The following ITPR2 variants were observed in gnomAD, a reference collection of about 807,000 sequenced individuals.
ITPR2 encodes the protein inositol 1,4,5-trisphosphate-gated calcium channel ITPR2.
In ITPR2, 207 loss-of-function variants were observed where a neutral mutation model predicts 317.1. The ratio of observed to expected loss-of-function variants is 0.65; its 90% CI spans 0.58 to 0.73. The LOEUF (loss-of-function observed/expected upper bound fraction) is 0.73. Ranked by LOEUF, ITPR2 falls within the 30% of genes least tolerant of loss-of-function variation. The pLI is 0.00. For synonymous variants in ITPR2, 1,156 were observed against 1,149.1 expected, an observed-to-expected ratio of 1.01 and a Z score of -0.12; for missense variants, 2,613 against 3,284.0, an observed-to-expected ratio of 0.80 and a Z score of 4.99.
chr12:26,755,799 C>T (rs1448202001), intron 2 of ITPR2, among the ~76,000 whole-genome samples: 1 of 152,136 alleles, frequency 6.6e-6, no homozygotes, highest in Non-Finnish European at 1.5e-5. Flanking sequence ...CAATAAAAGC[C>T]GCTTGAGGAA....
chr12:26,465,616 CCT>C (rs113967186), intron 45 of ITPR2, among the ~76,000 whole-genome samples: 5 of 150,206 alleles, frequency 3.3e-5, no homozygotes, highest in Non-Finnish European at 7.4e-5. Flanking sequence ...CCTCTGGCGC[CCT>C]CTCTCTCTCT....
chr12:26,580,006 C>T (rs1002389015), intron 33 of ITPR2, 21 bp downstream of exon 33: 2 of 1,600,408 alleles, frequency 1.2e-6, no homozygotes, highest in Non-Finnish European at 1.7e-6. Flanking sequence ...CAACAGAATG[C>T]TTTGCAATTG....
chr12:26,763,246 T>G (rs1949667256), intron 2 of ITPR2, among the ~76,000 whole-genome samples: 2 of 147,944 alleles, frequency 1.4e-5, no homozygotes, highest in African/African-American at 2.7e-5. Context: ...ATATATACAT[T>G]TTTTCTTTGC....
chr12:26,608,485 C>A (rs1402061821), intron 26 of ITPR2, among the ~76,000 whole-genome samples: 1 of 131,100 alleles, frequency 7.6e-6, no homozygotes, highest in Non-Finnish European at 1.8e-5. Context: ...TCTGCCTGGC[C>A]GCCCCACAGT....
At chr12:26,566,522 G>A (rs1425909566) in intron 34 of ITPR2, among the ~76,000 whole-genome samples, 1 of 146,592 alleles carries the variant, frequency 6.8e-6, no homozygotes, top group Non-Finnish European at 1.5e-5. Context: ...AGGAAGAGGA[G>A]GAGGAGAGGA....
At chr12:26,588,526 A>T (rs1255174681) in intron 32 of ITPR2, among the ~76,000 whole-genome samples, 1 of 152,174 alleles carries the variant, frequency 6.6e-6, no homozygotes, top group Non-Finnish European at 1.5e-5. Context: ...CAAGAAAATT[A>T]TTTTTTTAAA....
At chr12:26,404,460 C>T (rs1353073778) in intron 52 of ITPR2, among the ~76,000 whole-genome samples, 2 of 151,900 alleles carry the variant, frequency 1.3e-5, no homozygotes, top group African/African-American at 4.8e-5. Context: ...TTAAGGAAGA[C>T]AATAATTTTA....
intron 21 of ITPR2, among the ~76,000 whole-genome samples, chr12:26,645,975 T>C (rs1947104344): frequency 6.8e-6 from 1 of 146,982 alleles, no homozygotes; most frequent in Non-Finnish European, 1.5e-5. Flanking sequence ...CTTTCCTTTT[T>C]TTTTTTTTTT....
intron 52 of ITPR2, among the ~76,000 whole-genome samples, chr12:26,405,300 T>C (rs963486855): frequency 3.9e-5 from 6 of 152,210 alleles, no homozygotes; most frequent in Admixed American, 2.0e-4. Flanking sequence ...GCTTGGCGTA[T>C]AGTTAGGACT....
chr12:26,604,290 G>A (rs1946070941), intron 26 of ITPR2, among the ~76,000 whole-genome samples: 1 of 152,140 alleles, frequency 6.6e-6, no homozygotes, highest in South Asian at 2.1e-4. Flanking sequence ...GAGGCTCCCA[G>A]TCTCAACTTC....
intron 21 of ITPR2, among the ~76,000 whole-genome samples, chr12:26,639,535 A>G (rs941247267): frequency 6.6e-6 from 1 of 151,562 alleles, no homozygotes; most frequent in African/African-American, 2.4e-5. Context: ...TTAGTTACAT[A>G]TGTATACATG....
intron 26 of ITPR2, among the ~76,000 whole-genome samples, chr12:26,611,562 T>TA (rs1188634325): frequency 1.3e-5 from 2 of 151,452 alleles, no homozygotes; most frequent in Non-Finnish European, 1.5e-5. Flanking sequence ...GACCCATCTC[T>TA]AAAAAAAAGT....
chr12:26,642,374 C>A (rs897923471), intron 21 of ITPR2, among the ~76,000 whole-genome samples: 2 of 152,126 alleles, frequency 1.3e-5, no homozygotes, highest in African/African-American at 4.8e-5. Flanking sequence ...AGAGCACCAC[C>A]CTTATGAATG....
chr12:26,610,222 T>C (rs1426057099), intron 26 of ITPR2, among the ~76,000 whole-genome samples: 11 of 152,228 alleles, frequency 7.2e-5, no homozygotes, highest in Non-Finnish European at 1.5e-4. Flanking sequence ...CTGTCAAAAG[T>C]CAGCTAATCG....
intron 2 of ITPR2, among the ~76,000 whole-genome samples, chr12:26,731,596 A>C (rs180957209): frequency 6.6e-6 from 1 of 152,268 alleles, no homozygotes; most frequent in Admixed American, 6.5e-5. Context: ...CAAGAGTTCA[A>C]GGCCAGCCTG....
chr12:26,449,688 T>C (rs906619687), intron 45 of ITPR2, among the ~76,000 whole-genome samples: 4 of 152,046 alleles, frequency 2.6e-5, no homozygotes, highest in Non-Finnish European at 5.9e-5. Context: ...GAAGAAAGGA[T>C]GGCATGAGGA....
At chr12:26,794,151 G>A (rs1018254613) in intron 1 of ITPR2, among the ~76,000 whole-genome samples, 10 of 151,966 alleles carry the variant, frequency 6.6e-5, no homozygotes, top group Non-Finnish European at 1.0e-4. Flanking sequence ...TTAGATCTTC[G>A]AAAGTATAAG....
chr12:26,419,267 T>C, intron 49 of ITPR2, 54 bp from the exon 50 acceptor site: 2 of 1,522,986 alleles, frequency 1.3e-6, no homozygotes, highest in East Asian at 2.3e-5. Flanking sequence ...GAAACCCACA[T>C]GGATGAAAAC....
In ITPR2 at chr12:26,786,573, G is replaced by A. The variant is rs576467794; in HGVS notation, c.163+3584C>T. Among the ~76,000 whole-genome samples the A allele has an allele frequency of 2.0e-5, 3 of 152,134 alleles. 1 individual carries two copies. The highest frequency in any genetic ancestry group is 2.0e-4 in the Admixed American group (3 of 15,288). ...GTATGGTTTCTATCGAAAAATGGCT[G>A]TCCATCAGGTTTGAAATAACCCTTT... On this transcript the variant is annotated intron_variant, in intron 2 of 56. Transcript: ENST00000381340.
Sources: allele counts gnomAD v4.1 joint callset (sites outside exome capture counted in the v4.1 genomes callset), GRCh38; gene constraint gnomAD v4.1.1; transcripts MANE v1.5; gene names NCBI Gene and HGNC (gene_info 2026-07-23, HGNC 2026-07-21).